The following RBFOX2 variants were observed in gnomAD, a reference collection of about 807,000 sequenced individuals.
The protein encoded by RBFOX2 is RNA binding fox-1 homolog 2, also known as RNA binding protein fox-1 homolog 2.
RBFOX2 carries 10 observed loss-of-function variants against 49.1 expected under a neutral mutation model. The observed-to-expected ratio is 0.20, with a 90% CI of 0.13 to 0.35. The LOEUF is 0.35. RBFOX2 is among the 10% of genes least tolerant of loss of function. The probability of loss-of-function intolerance (pLI) is 1.00; values close to 1 mark genes in which losing one functional copy is unlikely to be tolerated. For missense variants in RBFOX2, 323 were observed against 486.9 expected, an observed-to-expected ratio of 0.66 and a Z score of 3.17; for synonymous variants, 183 against 187.4, an observed-to-expected ratio of 0.98 and a Z score of 0.19.
intron 2 of RBFOX2, among the ~76,000 whole-genome samples, chr22:35,793,831 C>T (rs560370681): frequency 3.9e-5 from 6 of 152,082 alleles, no homozygotes; most frequent in African/African-American, 9.7e-5. Flanking sequence ...TTTTAATAAA[C>T]GAGTAATTCC....
intron 1 of RBFOX2, among the ~76,000 whole-genome samples, chr22:35,902,790 A>C (rs2048731405): frequency 6.7e-6 from 1 of 149,130 alleles, no homozygotes; most frequent in African/African-American, 2.5e-5. Context: ...AACTACATGC[A>C]CATGCCACCA....
chr22:35,782,063 C>A (rs554491951), intron 2 of RBFOX2, among the ~76,000 whole-genome samples: 1 of 152,214 alleles, frequency 6.6e-6, no homozygotes, highest in East Asian at 1.9e-4. Context: ...TCTGAAGATA[C>A]AAAAATAGTT....
intron 1 of RBFOX2, among the ~76,000 whole-genome samples, chr22:35,875,607 G>GGTGGGTGT (rs2044941811): frequency 8.5e-6 from 1 of 117,670 alleles, no homozygotes; most frequent in Admixed American, 8.9e-5. Flanking sequence ...TGCTCACAAG[G>GGTGGGTGT]GTGTGTGTGT....
chr22:35,866,832 A>G (rs1403795483), intron 1 of RBFOX2, among the ~76,000 whole-genome samples: 6 of 152,216 alleles, frequency 3.9e-5, no homozygotes, highest in Non-Finnish European at 5.9e-5. Flanking sequence ...CACTCACGCC[A>G]GGAAAGGCCA....
chr22:35,897,156 A>T, intron 1 of RBFOX2: 1 of 558,202 alleles, frequency 1.8e-6, no homozygotes, highest in Non-Finnish European at 3.2e-6. Context: ...TAATGGTGGG[A>T]TCTTATTCAC....
intron 1 of RBFOX2, among the ~76,000 whole-genome samples, chr22:35,936,325 G>A (rs771639214): frequency 2.0e-5 from 3 of 151,196 alleles, no homozygotes; most frequent in Non-Finnish European, 2.9e-5. Context: ...GATTTGCTGA[G>A]CCAAAACCAT....
chr22:35,997,494 T>G (rs2058239810), intron 1 of RBFOX2: 1 of 152,230 alleles, frequency 6.6e-6, no homozygotes, highest in Non-Finnish European at 1.5e-5. Context: ...CTTCAATTAT[T>G]TCTTCCACAA....
chr22:35,806,269 T>C (rs1233698715), intron 2 of RBFOX2, among the ~76,000 whole-genome samples: 1 of 152,006 alleles, frequency 6.6e-6, no homozygotes, highest in Non-Finnish European at 1.5e-5. Flanking sequence ...CTCAGTTTAC[T>C]GTGAACCTAA....
intron 1 of RBFOX2, among the ~76,000 whole-genome samples, chr22:35,909,077 C>G (rs1030479123): frequency 1.3e-5 from 2 of 152,112 alleles, no homozygotes; most frequent in South Asian, 2.1e-4. Flanking sequence ...CTCCTGACCT[C>G]GTGATCTGCC....
chr22:35,871,987 C>A (rs2044411667), intron 1 of RBFOX2, among the ~76,000 whole-genome samples: 1 of 152,140 alleles, frequency 6.6e-6, no homozygotes, highest in African/African-American at 2.4e-5. Flanking sequence ...CTGGGCAGGG[C>A]AAGGGTAGGC....
chr22:35,837,667 G>T (rs149550740), intron 1 of RBFOX2, among the ~76,000 whole-genome samples: 5 of 152,026 alleles, frequency 3.3e-5, no homozygotes, highest in African/African-American at 1.2e-4. Flanking sequence ...AAACAAATAC[G>T]CTGGAATACT....
chr22:35,767,319 T>C (rs183761025), intron 5 of RBFOX2, among the ~76,000 whole-genome samples: 10 of 152,356 alleles, frequency 6.6e-5, no homozygotes, highest in Admixed American at 5.9e-4. Flanking sequence ...TTAATTGTTT[T>C]GTAATTACAT....
At chr22:35,821,430 C>T (rs1455694942) in intron 1 of RBFOX2, among the ~76,000 whole-genome samples, 2 of 151,544 alleles carry the variant, frequency 1.3e-5, no homozygotes, top group South Asian at 2.1e-4. Flanking sequence ...GGCGAAACCC[C>T]GTCTCTACTA....
intron 1 of RBFOX2, among the ~76,000 whole-genome samples, chr22:35,908,582 G>C (rs1832392341): frequency 6.6e-6 from 1 of 152,198 alleles, no homozygotes; most frequent in East Asian, 1.9e-4. Flanking sequence ...TATTGCTTTT[G>C]TACCATTGTA....
chr22:35,810,332 C>T (rs1056322048), intron 1 of RBFOX2, among the ~76,000 whole-genome samples: 1 of 151,832 alleles, frequency 6.6e-6, no homozygotes, highest in Non-Finnish European at 1.5e-5. Context: ...AGGTGGAGAG[C>T]CCACTTTGGA....
chr22:36,023,640 A>C (rs978824335), intron 1 of RBFOX2, among the ~76,000 whole-genome samples: 2 of 152,210 alleles, frequency 1.3e-5, no homozygotes, highest in Non-Finnish European at 2.9e-5. Flanking sequence ...TATTTAACTC[A>C]TTTAACTTCC....
At chr22:35,851,795 C>T (rs891559878) in intron 1 of RBFOX2, among the ~76,000 whole-genome samples, 2 of 150,968 alleles carry the variant, frequency 1.3e-5, no homozygotes, top group African/African-American at 4.9e-5. Flanking sequence ...CCCGCCACTG[C>T]ACTCCAGCCT....
At chr22:35,960,947 C>G (rs2056134186) in intron 1 of RBFOX2, among the ~76,000 whole-genome samples, 1 of 151,718 alleles carries the variant, frequency 6.6e-6, no homozygotes, top group Admixed American at 6.6e-5. Context: ...TGCACAGGTT[C>G]TGTTATATTT....
intron 1 of RBFOX2, among the ~76,000 whole-genome samples, chr22:35,931,307 A>G (rs1384620080): frequency 7.0e-6 from 1 of 143,598 alleles, no homozygotes; most frequent in African/African-American, 2.5e-5. Flanking sequence ...AAGCAAAAGC[A>G]TGTTTAGTTA....
Sources: allele counts gnomAD v4.1 joint callset (sites outside exome capture counted in the v4.1 genomes callset), GRCh38; gene constraint gnomAD v4.1.1; transcripts MANE v1.5; gene names NCBI Gene and HGNC (gene_info 2026-07-23, HGNC 2026-07-21).